The following LAMC2 variants were observed in gnomAD, a reference collection of about 807,000 sequenced individuals.
The protein encoded by LAMC2 is laminin subunit gamma-2.
LAMC2 carries 97 observed loss-of-function variants against 140.2 expected under a neutral mutation model. That is an observed-to-expected ratio of 0.69 (90% confidence interval 0.59 to 0.82). The LOEUF is 0.82. Among genes scored for constraint, LAMC2 ranks in the 40% least tolerant of loss-of-function variants. The pLI is 0.00. For synonymous variants in LAMC2, 513 were observed against 540.2 expected (o/e 0.95, Z 0.70); for missense variants, 1,402 against 1,476.1 (o/e 0.95, Z 0.82).
At chr1:183,227,865 C>T (rs1659679103) in intron 10 of LAMC2, among the ~76,000 whole-genome samples, 168 bp downstream of exon 10, 1 of 152,032 alleles carries the variant, frequency 6.6e-6, no homozygotes, top group Admixed American at 6.6e-5. Context: ...ATTGCAATGC[C>T]CAAGAGGTGA....
chr1:183,231,503 A>T (rs918006678), intron 12 of LAMC2, among the ~76,000 whole-genome samples: 3 of 152,184 alleles, frequency 2.0e-5, no homozygotes, highest in Non-Finnish European at 2.9e-5. Context: ...GGCTCTTCCC[A>T]CTATAATATT....
Position 183,206,428 on chromosome 1 carries a change from G to C in LAMC2, c.80-1453G>C, listed in dbSNP as rs547470991. The stretch of plus-strand genomic sequence containing the variant: ...GGAGGCCGAGGCAGGCGGATCACCT[G>C]AGGTCAGGAGTTTGAGACCAGCCTA... On this transcript the variant is annotated intron_variant, in intron 1 of 22. Transcript: ENST00000264144. 2.0e-5 allele frequency among the ~76,000 whole-genome samples: 3 copies of C among 152,298 alleles called. No homozygotes were observed. In the East Asian group the frequency reaches 5.8e-4, roughly 29 times the overall value.
rs539814478 is a variant in LAMC2 at position 183,233,144 on chromosome 1, T to C, written c.2220+287T>C. ...TCCCTTCTGCATATCTCCTAGCTTG[T>C]TAGCTCCCAGAGGGCAGGATTTACT... On this transcript the variant is annotated intron_variant, in intron 14 of 22. Transcript: ENST00000264144. Among the ~76,000 whole-genome samples the C allele has an allele frequency of 3.9e-5, 6 of 152,362 alleles. No homozygotes were observed. The South Asian group carries it at 6.2e-4, about 16-fold the overall frequency.
In LAMC2 at chr1:183,229,663, C is replaced by T. The variant is rs932167399; in HGVS notation, c.1714+1044C>T. ...AAAAAAAAAAAAAAAAAGTCCAGAGCCACTCTGGACACCCAGGTTGGAAGA... is the reference window on the plus strand; with the variant it reads ...AAAAAAAAAAAAAAAAAGTCCAGAGTCACTCTGGACACCCAGGTTGGAAGA... On this transcript the variant is annotated intron_variant, in intron 11 of 22. Coordinates refer to ENST00000264144, the MANE Select transcript of LAMC2 (RefSeq NM_005562.3). Among the ~76,000 whole-genome samples the T allele has an allele frequency of 2.7e-5, 4 of 148,540 alleles. No individual in the cohort carries two copies. In the South Asian group the frequency reaches 8.7e-4, roughly 32 times the overall value.
chr1:183,243,029 C>A, intron 22 of LAMC2, 118 bp from the exon 23 acceptor site: 1 of 1,076,624 alleles, frequency 9.3e-7, no homozygotes, highest in Non-Finnish European at 1.4e-6. Flanking sequence ...TCATGGTATA[C>A]TATTTGCTCT....
At chr1:183,257,058 G>A in the LAMC2 span, among the ~76,000 whole-genome samples, 1 of 151,996 alleles carries the variant, frequency 6.6e-6, no homozygotes, top group Non-Finnish European at 1.5e-5. Context: ...GGCCTCTTTG[G>A]TGTCTTTATC....
At chr1:183,232,492 T>TC in intron 13 of LAMC2, 149 bp downstream of exon 13, 2 of 1,109,262 alleles carry the variant, frequency 1.8e-6, no homozygotes, top group Non-Finnish European at 2.7e-6. Flanking sequence ...TCTGTGGCAT[T>TC]CCCCCTGGGA....
At chr1:183,211,548 T>C (rs1288686693) in intron 2 of LAMC2, among the ~76,000 whole-genome samples, 1 of 152,242 alleles carries the variant, frequency 6.6e-6, no homozygotes, top group East Asian at 1.9e-4. Context: ...TCTCACTCTG[T>C]GGCCAAGGCT....
intron 4 of LAMC2, among the ~76,000 whole-genome samples, 160 bp from the exon 5 acceptor site, chr1:183,220,665 T>C (rs1471367252): frequency 6.6e-6 from 1 of 151,936 alleles, no homozygotes; most frequent in Admixed American, 6.6e-5. Flanking sequence ...CATCTGGTGG[T>C]CTGGGGGTGG....
At chr1:183,198,451 T>C (rs1051435212) in intron 1 of LAMC2, among the ~76,000 whole-genome samples, 5 of 152,134 alleles carry the variant, frequency 3.3e-5, no homozygotes, top group Non-Finnish European at 5.9e-5. Context: ...CTGAGCATTA[T>C]CTTTAAATGG....
In LAMC2 at chr1:183,238,380, C is replaced by T. The variant is rs748555907; in HGVS notation, c.2828C>T (p.Ala943Val). 1.2e-6 allele frequency: 2 copies of T among 1,613,892 alleles called. No homozygotes were observed. Among genetic ancestry groups the T allele is most frequent in the Non-Finnish European group, 1.7e-6 (2 of 1,179,800 alleles). Residue 943 changes from alanine to valine, a missense_variant, in exon 19 of 23, where the codon GCC becomes GTC. Transcript: ENST00000264144. ...CAAGAAGCACTGAGTATGGGCAATGCCACTTTTTATGAAGTTGAGAGCATC... is the reference window on the plus strand; with the variant it reads ...CAAGAAGCACTGAGTATGGGCAATGTCACTTTTTATGAAGTTGAGAGCATC... Reference protein sequence around the residue: ...RAQEALSMGNATFYEVESILK... With the variant: ...RAQEALSMGNVTFYEVESILK...
chr1:183,218,541 G>A, intron 4 of LAMC2, 53 bp downstream of exon 4: 2 of 1,285,892 alleles, frequency 1.6e-6, no homozygotes, highest in Non-Finnish European at 2.2e-6. Flanking sequence ...TTGCCAACTA[G>A]CATGAGAATT....
intron 7 of LAMC2, 110 bp downstream of exon 7, chr1:183,223,434 C>T: frequency 3.8e-6 from 4 of 1,050,516 alleles, no homozygotes; most frequent in Non-Finnish European, 5.8e-6. Flanking sequence ...CCTTTCTGAG[C>T]ACCTTTTACG....
At position 183,232,754 on chromosome 1, in the gene LAMC2, G is replaced by C; in HGVS notation, c.2117G>C (p.Arg706Pro). The C allele has an allele frequency of 6.2e-7, 1 of 1,614,022 alleles. No homozygotes were observed. ...DDLKMTVERV[R>P]ALGSQYQNRV... The stretch of plus-strand genomic sequence containing the variant: ...CTCAAGATGACTGTGGAAAGAGTTC[G>C]GGCTCTGGGAAGTCAGTACCAGAAC... Residue 706 changes from arginine (R) to proline (P), a missense_variant, in exon 14 of 23, where the codon CGG becomes CCG. Arg to Pro is a moderately radical substitution (Grantham distance 103). Coordinates refer to ENST00000264144, the MANE Select transcript of LAMC2 (RefSeq NM_005562.3).
chr1:183,218,575 A>G, intron 4 of LAMC2, 87 bp downstream of exon 4: 1 of 1,031,872 alleles, frequency 9.7e-7, no homozygotes, highest in Non-Finnish European at 1.5e-6. Context: ...TAATTATGGA[A>G]AAGGGATACT....
rs372608198 is a variant in LAMC2, at chr1:183,220,869, G to A, written c.548G>A (p.Gly183Asp). 6.2e-6 allele frequency: 10 copies of A among 1,613,796 alleles called. No individual in the cohort carries two copies. Among genetic ancestry groups the A allele is most frequent in the Non-Finnish European group, 8.5e-6 (10 of 1,179,766 alleles). ...YYNLDGGNPE[G>D]CTQCFCYGHS... ...AATCTGGATGGGGGGAACCCTGAGGGCTGTACCCAGTGTTTCTGCTATGGG... is the reference window on the plus strand; with the variant it reads ...AATCTGGATGGGGGGAACCCTGAGGACTGTACCCAGTGTTTCTGCTATGGG... Residue 183 changes from glycine (G) to aspartate (D), a missense_variant, in exon 5 of 23, where the codon GGC (glycine) becomes GAC (aspartate). This residue lies in a region of LAMC2 where 723 missense variants were observed against 783.3 expected (regional missense o/e 0.92). Coordinates refer to ENST00000264144, the MANE Select transcript of LAMC2 (RefSeq NM_005562.3).
rs6658628 is a variant in LAMC2, at chr1:183,228,170, A to G, written c.1469-204A>G. The stretch of plus-strand genomic sequence containing the variant: ...GCTAGTTAAGCCTCCTAGTGGCGCT[A>G]CTGTGTTCTGCAACCTGCAGTGGGC... On this transcript the variant is annotated intron_variant, in intron 10 of 22. Coordinates refer to ENST00000264144, the MANE Select transcript of LAMC2 (RefSeq NM_005562.3). The surrounding 1 kb of genome is among the most constrained non-coding windows in gnomAD (Gnocchi z 4.3). Among the ~76,000 whole-genome samples, 44,449 of 152,080 alleles carry G rather than the reference A, an allele frequency of 0.29. 8,108 individuals carry two copies. Among genetic ancestry groups the G allele is most frequent in the African/African-American group, 0.51 (21,040 of 41,488 alleles).
intron 11 of LAMC2, among the ~76,000 whole-genome samples, chr1:183,230,133 G>T (rs1659755960): frequency 6.6e-6 from 1 of 152,150 alleles, no homozygotes; most frequent in Admixed American, 6.5e-5. Flanking sequence ...GTTACTAACA[G>T]AAATTTCACT....
chr1:183,204,455 G>GA (rs79056040), intron 1 of LAMC2, among the ~76,000 whole-genome samples: 2,187 of 129,404 alleles, frequency 0.017, 25 homozygotes, highest in Non-Finnish European at 0.029. Flanking sequence ...CAAACAAACA[G>GA]AAAAAAAAAA....
Sources: allele counts gnomAD v4.1 joint callset (sites outside exome capture counted in the v4.1 genomes callset), GRCh38; gene constraint gnomAD v4.1.1; regional missense constraint gnomAD v4.1.1; non-coding constraint Gnocchi (gnomAD v3.1); transcripts MANE v1.5; gene names NCBI Gene and HGNC (gene_info 2026-07-23, HGNC 2026-07-21).